FAM91A1: variants seen among roughly 807,000 people sequenced by gnomAD.
FAM91A1 encodes family with sequence similarity 91 member A1, also known as protein FAM91A1.
Under a neutral mutation model 113.5 loss-of-function variants are expected in FAM91A1, and 41 were observed. The ratio of observed to expected loss-of-function variants is 0.36; its 90% CI spans 0.28 to 0.47. The LOEUF (loss-of-function observed/expected upper bound fraction) is 0.47. Ranked by LOEUF, FAM91A1 falls within the 20% of genes least tolerant of loss-of-function variation. The pLI, the probability that FAM91A1 is intolerant of heterozygous loss-of-function variation, is 1.00. For missense variants in FAM91A1, 696 were observed against 1,001.2 expected (o/e 0.70, Z 4.11); for synonymous variants, 307 against 347.9 (o/e 0.88, Z 1.31).
At chr8:123,802,057 G>A (rs539365341) in intron 18 of FAM91A1, among the ~76,000 whole-genome samples, 1 of 152,262 alleles carries the variant, frequency 6.6e-6, no homozygotes, top group South Asian at 2.1e-4. Flanking sequence ...CCGTGGAACT[G>A]AGAAGTTGAC....
At chr8:123,782,092 C>T (rs1328473539) in intron 8 of FAM91A1, among the ~76,000 whole-genome samples, 1 of 152,188 alleles carries the variant, frequency 6.6e-6, no homozygotes, top group Non-Finnish European at 1.5e-5. Context: ...AACATTGACT[C>T]ACATTAGAGT....
At chr8:123,805,365 CTTTTT>C in intron 19 of FAM91A1, 26 bp downstream of exon 19, 1 of 1,257,268 alleles carries the variant, frequency 8.0e-7, no homozygotes, top group Non-Finnish European at 1.1e-6. Context: ...TATCTATTGA[CTTTTT>C]TTTTTTTTTA....
Position 123,810,267 on chromosome 8 carries a change from C to CT in FAM91A1, c.2262-4dup, listed in dbSNP as rs374624440. The CT allele has an allele frequency of 0.066, 60,896 of 924,624 alleles. 92 individuals carry two copies. The highest frequency in any genetic ancestry group is 0.092 in the African/African-American group (5,313 of 58,054). 57.3% of individuals were successfully genotyped at this position (924,624 alleles called of 1,614,324 possible). A position where few individuals can be genotyped will look rare whatever the true frequency, so the allele number is the denominator to read the frequency against. On this transcript the variant is annotated splice_polypyrimidine_tract_variant and intron_variant, in intron 22 of 23. Transcript: ENST00000334705. ...ATGTTTGTTTTAAACTGTTTCTCGC[C>CT]TTTTTTTTTTTCAGCCTTCAAAACC...
intron 21 of FAM91A1, 58 bp downstream of exon 21, chr8:123,808,434 A>G: frequency 7.1e-7 from 1 of 1,409,346 alleles, no homozygotes; most frequent in South Asian, 1.3e-5. Context: ...TTTAACTTTT[A>G]TGTTAAGGCA....
intron 15 of FAM91A1, among the ~76,000 whole-genome samples, chr8:123,795,737 G>A (rs559859505): frequency 5.9e-5 from 9 of 152,190 alleles, no homozygotes; most frequent in Admixed American, 2.6e-4. Context: ...TAATGCATGC[G>A]AAAGTGTCCT....
chr8:123,791,321 A>G (rs1266383399), intron 15 of FAM91A1, among the ~76,000 whole-genome samples: 1 of 151,598 alleles, frequency 6.6e-6, no homozygotes, highest in Non-Finnish European at 1.5e-5. Flanking sequence ...CCCTGTCCCT[A>G]TATTATCTTC....
rs1298165909 is a variant in FAM91A1, at chr8:123,808,951, C to G, written c.2196C>G (p.Phe732Leu). The change falls in exon 22 of 24, where the codon TTC becomes TTG. Residue 732 changes from phenylalanine to leucine, a missense_variant. Transcript: ENST00000334705. The part of the protein sequence containing the change: ...PLELCFGIPL[F>L]SSELNRKVCR... ...AGCTGTGCTTTGGAATTCCACTGTT[C>G]AGTTCCGAATTAAACCGGAAAGTTT... The G allele has an allele frequency of 1.2e-6, 2 of 1,612,824 alleles. No individual in the cohort carries two copies. Among genetic ancestry groups the G allele is most frequent in the Non-Finnish European group, 1.7e-6 (2 of 1,179,450 alleles).
In FAM91A1 at chr8:123,787,435, T is replaced by G; in HGVS notation, c.1191+62T>G. Reference sequence around the variant, plus strand: ...AAATAAATACTAGATATAAAATAATTTAATGCTTTTATATCTTTTTTAAAG... The same window carrying G: ...AAATAAATACTAGATATAAAATAATGTAATGCTTTTATATCTTTTTTAAAG... On this transcript the variant is annotated intron_variant, in intron 13 of 23. Coordinates refer to ENST00000334705, the MANE Select transcript of FAM91A1 (RefSeq NM_144963.4). 4 of 1,262,306 alleles carry G rather than the reference T, an allele frequency of 3.2e-6. No homozygotes were observed. The South Asian group carries it at 5.2e-5, about 16-fold the overall frequency. The allele number at this position is 1,262,306 out of a possible 1,614,324, so 78.2% of individuals were successfully genotyped here.
intron 15 of FAM91A1, among the ~76,000 whole-genome samples, chr8:123,794,846 AG>A (rs1815472872): frequency 6.6e-6 from 1 of 152,256 alleles, no homozygotes; most frequent in Non-Finnish European, 1.5e-5. Flanking sequence ...CTGCAGATTG[AG>A]ATCTGCAGCT....
intron 21 of FAM91A1, 131 bp downstream of exon 21, chr8:123,808,507 GC>G: frequency 1.7e-6 from 1 of 574,090 alleles, no homozygotes; most frequent in South Asian, 3.6e-5. Context: ...TTTCTAGGAA[GC>G]CTTTTTACAT....
chr8:123,785,174 T>A (rs1815222387), intron 10 of FAM91A1, 55 bp downstream of exon 10: 1 of 1,364,790 alleles, frequency 7.3e-7, no homozygotes, highest in Non-Finnish European at 1.0e-6. Context: ...TGGATTTTAC[T>A]AGTAGATTTT....
intron 3 of FAM91A1, 152 bp downstream of exon 3, chr8:123,775,450 C>A: frequency 2.3e-6 from 2 of 876,632 alleles, no homozygotes; most frequent in Non-Finnish European, 3.5e-6. Context: ...GGCTTGTTAA[C>A]TGTTTGAGCC....
At chr8:123,795,641 T>C (rs2130119827) in intron 15 of FAM91A1, among the ~76,000 whole-genome samples, 1 of 152,318 alleles carries the variant, frequency 6.6e-6, no homozygotes, top group Non-Finnish European at 1.5e-5. Context: ...TCGGAGGTAT[T>C]TCTTTATAGC....
At position 123,805,301 on chromosome 8, in the gene FAM91A1, A is replaced by G. The variant is rs753949174; in HGVS notation, c.1844A>G (p.His615Arg). 8 of 1,612,044 alleles carry G rather than the reference A, an allele frequency of 5.0e-6. No homozygotes were observed. In the East Asian group the frequency reaches 8.9e-5, roughly 18 times the overall value. The change falls in exon 19 of 24, where the codon CAT becomes CGT. Residue 615 changes from histidine to arginine, a missense_variant. Physicochemically the swap from His to Arg is conservative, Grantham distance 29 (BLOSUM62 0). Transcript: ENST00000334705. ...CTGCATGGGATAGGAGAAACTGTCC[A>G]TGTCCCATTTCCATTTGATGAAACA... The part of the protein sequence containing the change: ...HGLHGIGETV[H>R]VPFPFDETEL...
chr8:123,770,472 T>C (rs1814813346), intron 1 of FAM91A1, among the ~76,000 whole-genome samples: 1 of 152,220 alleles, frequency 6.6e-6, no homozygotes, highest in Non-Finnish European at 1.5e-5. Flanking sequence ...AGAACAAAGC[T>C]CTAAACCTGA....
chr8:123,805,537 G>A (rs183370404), intron 19 of FAM91A1, among the ~76,000 whole-genome samples, 198 bp downstream of exon 19: 12 of 152,198 alleles, frequency 7.9e-5, no homozygotes, highest in Non-Finnish European at 1.5e-4. Flanking sequence ...AATAAGACCC[G>A]TTTAGGATTT....
intron 1 of FAM91A1, among the ~76,000 whole-genome samples, chr8:123,769,884 C>T (rs1350210624): frequency 2.6e-5 from 4 of 152,282 alleles, no homozygotes; most frequent in South Asian, 4.1e-4. Context: ...TGTTGGCACT[C>T]GGCAGTGGCA....
rs780198426 is a variant in FAM91A1 at position 123,812,521 on chromosome 8, A to G, written c.2334A>G (p.Glu778=). The G allele has an allele frequency of 4.4e-6, 7 of 1,576,562 alleles. No homozygotes were observed. Among genetic ancestry groups the G allele is most frequent in the Non-Finnish European group, 6.0e-6 (7 of 1,166,190 alleles). The change falls in exon 24 of 24, where the codon GAA becomes GAG. Residue 778 remains glutamate, a splice_region_variant and synonymous_variant. Transcript: ENST00000334705. ...TCTCTTGTTTCTTGATCTTTTAGGA[A>G]GGTGCTTCAATATTGGATATTCACA... The part of the protein sequence containing the change: ...QVLNFVHSFQ[E]GASILDIHTE...
At chr8:123,807,261 G>A (rs866521086) in intron 20 of FAM91A1, among the ~76,000 whole-genome samples, 16 of 152,046 alleles carry the variant, frequency 1.1e-4, no homozygotes, top group African/African-American at 1.7e-4. Flanking sequence ...TCATTTCAAA[G>A]CGTATCTACT....
Sources: gnomAD v4.1 joint callset for allele counts (sites outside exome capture counted in the v4.1 genomes callset) on GRCh38, gnomAD v4.1.1 for gene constraint, MANE v1.5 for transcripts, NCBI Gene and HGNC (gene_info 2026-07-23, HGNC 2026-07-21) for gene names.